The following ASPM variants were observed in gnomAD, a reference collection of about 807,000 sequenced individuals.
ASPM encodes assembly factor for spindle microtubules, also known as abnormal spindle-like microcephaly-associated protein.
A neutral mutation model predicts 366.4 loss-of-function variants in ASPM; 256 were observed. The ratio of observed to expected loss-of-function variants is 0.70; its 90% CI spans 0.63 to 0.77. ASPM has a LOEUF of 0.77. Among genes scored for constraint, ASPM ranks in the 30% least tolerant of loss-of-function variants. ASPM has a pLI of 0.00. For synonymous variants in ASPM, 1,414 were observed against 1,342.9 expected (o/e 1.05, Z -1.16); for missense variants, 4,146 against 4,090.4 (o/e 1.01, Z -0.37).
chr1:197,124,211 T>C lies in ASPM; in HGVS notation c.3289A>G (p.Lys1097Glu), dbSNP rs752794695. The C allele has an allele frequency of 1.2e-6, 2 of 1,611,294 alleles. No homozygotes were observed. Among genetic ancestry groups the C allele is most frequent in the Non-Finnish European group, 1.7e-6 (2 of 1,177,748 alleles). ...GAACCACTATCCCTTTTGCCTTTTT[T>C]CTTATTAATAAGATCATCAGAATGG... ...SCHSDDLINK[K>E]KGKRDSGSFE... is the part of the protein sequence containing the mutation. Residue 1097 changes from lysine (K) to glutamate (E), a missense_variant, in exon 13 of 28, where the codon AAA (lysine) becomes GAA (glutamate). By Grantham distance (56) the Lys-to-Glu change is moderately conservative. This residue lies in a region of ASPM where 3,624 missense variants were observed against 3,591.7 expected (regional missense o/e 1.01). Coordinates refer to ENST00000367409, the MANE Select transcript of ASPM (RefSeq NM_018136.5).
In ASPM at chr1:197,128,485, C is replaced by T. The variant is rs199422150; in HGVS notation, c.2936+5G>A. The T allele has an allele frequency of 1.2e-6, 2 of 1,608,004 alleles. No individual in the cohort carries two copies. The highest frequency in any genetic ancestry group is 1.1e-5 in the South Asian group (1 of 90,960). On this transcript the variant is annotated splice_donor_5th_base_variant and intron_variant, in intron 10 of 27. Coordinates refer to ENST00000367409, the MANE Select transcript of ASPM (RefSeq NM_018136.5). The stretch of plus-strand genomic sequence containing the variant: ...AAGCAAAATAATTCTATTTCTTATA[C>T]GTACACAAGGCGCACTCCACATTGC...
rs1657318566 is a variant in ASPM, at chr1:197,104,170, G to C, written c.5081C>G (p.Thr1694Arg). The change falls in exon 18 of 28, where the codon ACA becomes AGA. Residue 1694 changes from threonine to arginine, a missense_variant. Thr to Arg is a moderately conservative substitution (Grantham distance 71). Around this residue, in one of 3 missense-constraint regions of ASPM, gnomAD observed 3,624 missense variants for 3,591.7 expected, o/e 1.01. Transcript: ENST00000367409. ...TCTTAAATGCAAATATTGTTTACGTGTTTGTTTCATCTTAACAGTTGACTG... is the reference window on the plus strand; with the variant it reads ...TCTTAAATGCAAATATTGTTTACGTCTTTGTTTCATCTTAACAGTTGACTG... ...KLQSTVKMKQTRKQYLHLRAA... is the reference protein window; with the variant it reads ...KLQSTVKMKQRRKQYLHLRAA... 6.2e-7 allele frequency: 1 copy of C among 1,612,534 alleles called. No homozygotes were observed. Among genetic ancestry groups the C allele is most frequent in the African/African-American group, 1.3e-5 (1 of 74,786 alleles).
At chr1:197,092,698 C>T (rs1656821883) in intron 21 of ASPM, among the ~76,000 whole-genome samples, 1 of 151,958 alleles carries the variant, frequency 6.6e-6, no homozygotes, top group African/African-American at 2.4e-5. Context: ...GTTGCAACAC[C>T]TCAAAAGTTG....
intron 17 of ASPM, among the ~76,000 whole-genome samples, chr1:197,112,594 A>C (rs1657622088): frequency 1.3e-5 from 2 of 152,136 alleles, no homozygotes; most frequent in South Asian, 4.1e-4. Flanking sequence ...CCCTGTGCTC[A>C]CTGAGGTAAA....
In ASPM at chr1:197,090,846, T is replaced by C. The variant is rs1131691906; in HGVS notation, c.9636+4A>G. 3 of 1,610,574 alleles carry C rather than the reference T, an allele frequency of 1.9e-6. 1 individual carries two copies. The highest frequency in any genetic ancestry group is 1.7e-4 in the Middle Eastern group (1 of 6,050). ...TGAACTAAAACTATACAAGTTTCAA[T>C]TACCTGAATTTTAATGATTCCACTA... is the stretch of plus-strand genomic sequence containing the variant. On this transcript the variant is annotated splice_donor_region_variant and intron_variant, in intron 23 of 27. Transcript: ENST00000367409.
chr1:197,125,319 A>G (rs1658057783), intron 10 of ASPM, 128 bp from the exon 11 acceptor site: 1 of 1,146,360 alleles, frequency 8.7e-7, no homozygotes, highest in Non-Finnish European at 1.3e-6. Flanking sequence ...AAAGACTTCA[A>G]AAAACTATCT....
intron 19 of ASPM, among the ~76,000 whole-genome samples, chr1:197,094,930 G>C (rs900543030): frequency 4.0e-5 from 6 of 151,610 alleles, no homozygotes; most frequent in African/African-American, 1.5e-4. Flanking sequence ...AGTAGCAACT[G>C]TATCTTTATA....
intron 17 of ASPM, among the ~76,000 whole-genome samples, chr1:197,115,655 A>C (rs1214822461): frequency 6.6e-6 from 1 of 152,210 alleles, no homozygotes; most frequent in African/African-American, 2.4e-5. Flanking sequence ...CATGAAAACA[A>C]CATTCCTCTC....
chr1:197,092,757 T>C (rs1220199385), intron 21 of ASPM, among the ~76,000 whole-genome samples: 1 of 151,908 alleles, frequency 6.6e-6, no homozygotes, highest in Non-Finnish European at 1.5e-5. Context: ...CTCTTTCACA[T>C]ATGGAGCCTC....
chr1:197,119,146 C>T (rs1236577940), intron 16 of ASPM, among the ~76,000 whole-genome samples: 25 of 152,122 alleles, frequency 1.6e-4, no homozygotes, highest in Admixed American at 1.6e-3. Context: ...AACATAAATA[C>T]TAAGGAATGG....
At chr1:197,130,399 T>C (rs1658222962) in intron 7 of ASPM, among the ~76,000 whole-genome samples, 2 of 152,278 alleles carry the variant, frequency 1.3e-5, no homozygotes, top group South Asian at 2.1e-4. Context: ...ATTAAGTACA[T>C]CGTGAAGTTA....
Position 197,142,534 on chromosome 1 carries a change from C to T in ASPM, c.1718G>A (p.Arg573Gln), listed in dbSNP as rs749368876. 1.3e-5 allele frequency: 21 copies of T among 1,613,892 alleles called. No homozygotes were observed. Among genetic ancestry groups the T allele is most frequent in the East Asian group, 8.9e-5 (4 of 44,880 alleles). The part of the protein sequence containing the change: ...TPSSTTASVA[R>Q]KRKSDGSMED... ...CATGCTTCCATCGCTCTTTCTTTTC[C>T]GAGCAACTGAAGCTGTTGTCGAAGA... Residue 573 changes from arginine (R) to glutamine (Q), a missense_variant, in exon 3 of 28, where the codon CGG (arginine) becomes CAG (glutamine). By Grantham distance (43) the Arg-to-Gln change is conservative. This residue lies in a region of ASPM where 3,624 missense variants were observed against 3,591.7 expected (regional missense o/e 1.01). Coordinates refer to ENST00000367409, the MANE Select transcript of ASPM (RefSeq NM_018136.5).
intron 16 of ASPM, among the ~76,000 whole-genome samples, chr1:197,118,533 T>C (rs1203221071): frequency 6.6e-6 from 1 of 152,116 alleles, no homozygotes; most frequent in African/African-American, 2.4e-5. Flanking sequence ...TGCCCAACAT[T>C]TGTGGTCAAA....
intron 17 of ASPM, among the ~76,000 whole-genome samples, chr1:197,115,357 C>T (rs1436702135): frequency 6.6e-6 from 1 of 152,164 alleles, no homozygotes; most frequent in Non-Finnish European, 1.5e-5. Context: ...CCAACGAAAT[C>T]TTTAACCCAT....
chr1:197,087,027 C>T (rs1201292879), intron 26 of ASPM, 55 bp from the exon 27 acceptor site: 1 of 1,453,984 alleles, frequency 6.9e-7, no homozygotes, highest in East Asian at 2.4e-5. Context: ...AATTTTATCT[C>T]TTTTAGACTA....
chr1:197,121,056 G>A (rs1657892546), intron 16 of ASPM, among the ~76,000 whole-genome samples: 1 of 152,158 alleles, frequency 6.6e-6, no homozygotes, highest in Admixed American at 6.6e-5. Flanking sequence ...TTTCAAAGTT[G>A]AGAAGGAATA....
intron 17 of ASPM, among the ~76,000 whole-genome samples, chr1:197,114,525 G>A (rs147666982): frequency 2.0e-3 from 297 of 152,276 alleles, no homozygotes; most frequent in Middle Eastern, 6.8e-3. Flanking sequence ...CTCAAAGCCC[G>A]CTGCTGCTTT....
At chr1:197,089,378 G>A (rs773337634) in intron 25 of ASPM, among the ~76,000 whole-genome samples, 7 of 151,990 alleles carry the variant, frequency 4.6e-5, no homozygotes, top group South Asian at 2.1e-4. Context: ...CAATTACAGA[G>A]TAACTAAGTT....
At chr1:197,091,523 T>C (rs1324749548) in intron 22 of ASPM, among the ~76,000 whole-genome samples, 1 of 151,866 alleles carries the variant, frequency 6.6e-6, no homozygotes, top group Non-Finnish European at 1.5e-5. Flanking sequence ...AACCAACATA[T>C]AGAATATAAT....
Sources: gnomAD v4.1 joint callset for allele counts (sites outside exome capture counted in the v4.1 genomes callset) on GRCh38, gnomAD v4.1.1 for gene constraint, gnomAD v4.1.1 regional missense constraint, MANE v1.5 for transcripts, NCBI Gene and HGNC (gene_info 2026-07-23, HGNC 2026-07-21) for gene names.